SLC22A2: variants seen among roughly 807,000 people sequenced by gnomAD.
The protein encoded by SLC22A2 is solute carrier family 22 member 2.
A neutral mutation model predicts 60.5 loss-of-function variants in SLC22A2; 46 were observed. The observed-to-expected ratio is 0.76, with a 90% CI of 0.60 to 0.97. The LOEUF (loss-of-function observed/expected upper bound fraction) is 0.97. SLC22A2 is among the 50% of genes least tolerant of loss of function. The pLI is 0.00. For missense variants in SLC22A2, 701 were observed against 706.6 expected (o/e 0.99, Z 0.09); for synonymous variants, 303 against 267.0 (o/e 1.13, Z -1.31).
At chr6:160,226,619 T>C (rs1782729096) in intron 9 of SLC22A2, among the ~76,000 whole-genome samples, 1 of 152,200 alleles carries the variant, frequency 6.6e-6, no homozygotes, top group African/African-American at 2.4e-5. Context: ...CACCCTGTGG[T>C]TGTGTTGGAA....
chr6:160,228,833 A>T (rs894590664), intron 9 of SLC22A2, among the ~76,000 whole-genome samples: 1 of 151,540 alleles, frequency 6.6e-6, no homozygotes, highest in East Asian at 1.9e-4. Context: ...AAGCTCCCCC[A>T]CTGAGCACCT....
chr6:160,254,795 G>T (rs1783242068), intron 2 of SLC22A2, among the ~76,000 whole-genome samples: 1 of 152,192 alleles, frequency 6.6e-6, no homozygotes, highest in Non-Finnish European at 1.5e-5. Context: ...ACAAAATAAT[G>T]AGATCATCTA....
intron 9 of SLC22A2, among the ~76,000 whole-genome samples, chr6:160,228,392 G>T (rs1283046729): frequency 1.3e-5 from 2 of 152,160 alleles, no homozygotes; most frequent in African/African-American, 4.8e-5. Context: ...GACAGAGAGG[G>T]TTAAAAGTCC....
At chr6:160,226,250 T>G (rs1272243903) in intron 9 of SLC22A2, among the ~76,000 whole-genome samples, 2 of 152,180 alleles carry the variant, frequency 1.3e-5, no homozygotes, top group Non-Finnish European at 2.9e-5. Context: ...CAATCAGCAC[T>G]GCCGGCTCAC....
rs190488742 is a variant in SLC22A2, at chr6:160,224,146, A to G, written c.1601+559T>C. Among the ~76,000 whole-genome samples, 45 of 152,336 alleles carry G rather than the reference A, an allele frequency of 3.0e-4. No individual in the cohort carries two copies. In the East Asian group the frequency reaches 7.3e-3, roughly 25 times the overall value. On this transcript the variant is annotated intron_variant, in intron 10 of 10. Coordinates refer to ENST00000366953, the MANE Select transcript of SLC22A2 (RefSeq NM_003058.4). ...TCTTCCCCAACATAGTGTGTTACCA[A>G]GTAATTTTAGTTTTGACAATCCAAG...
intron 10 of SLC22A2, among the ~76,000 whole-genome samples, chr6:160,221,026 C>A (rs551323745): frequency 1.9e-4 from 29 of 152,350 alleles, no homozygotes; most frequent in African/African-American, 6.7e-4. Flanking sequence ...GTCCTTCGAG[C>A]TTTGAAACCA....
intron 9 of SLC22A2, among the ~76,000 whole-genome samples, chr6:160,240,555 C>T (rs1176928640): frequency 1.3e-5 from 2 of 152,146 alleles, no homozygotes; most frequent in African/African-American, 4.8e-5. Flanking sequence ...ATAACTGAGG[C>T]ATGATGTATA....
chr6:160,222,473 C>T (rs886607848), intron 10 of SLC22A2, among the ~76,000 whole-genome samples: 1 of 152,212 alleles, frequency 6.6e-6, no homozygotes, highest in Non-Finnish European at 1.5e-5. Context: ...TTCAATTAGG[C>T]ATGCTGTAGA....
chr6:160,238,807 T>G (rs1001411957), intron 9 of SLC22A2, among the ~76,000 whole-genome samples: 1 of 152,216 alleles, frequency 6.6e-6, no homozygotes, highest in African/African-American at 2.4e-5. Context: ...TTATCTTTCC[T>G]GCAGGAAGGT....
intron 9 of SLC22A2, among the ~76,000 whole-genome samples, chr6:160,236,635 T>C (rs1782916182): frequency 1.1e-5 from 1 of 90,318 alleles, no homozygotes; most frequent in African/African-American, 2.9e-5. Context: ...TGTTGTGCTT[T>C]CCTTTAAGAA....
intron 10 of SLC22A2, among the ~76,000 whole-genome samples, chr6:160,218,516 G>C (rs1016151260): frequency 4.2e-5 from 6 of 144,514 alleles, no homozygotes; most frequent in Non-Finnish European, 7.6e-5. Context: ...AATAGTAATA[G>C]CAACAGCAAC....
chr6:160,231,999 C>G (rs961205835), intron 9 of SLC22A2, among the ~76,000 whole-genome samples: 1 of 151,986 alleles, frequency 6.6e-6, no homozygotes. Context: ...GTGGCTACCA[C>G]TGTGTTAATG....
intron 9 of SLC22A2, among the ~76,000 whole-genome samples, chr6:160,235,285 T>C (rs111856326): frequency 7.8e-4 from 118 of 151,832 alleles, no homozygotes; most frequent in African/African-American, 2.6e-3. Context: ...GTAGGAAATA[T>C]AGTTTCAGGG....
At chr6:160,239,296 C>T (rs572390928) in intron 9 of SLC22A2, among the ~76,000 whole-genome samples, 9 of 152,300 alleles carry the variant, frequency 5.9e-5, no homozygotes, top group South Asian at 2.1e-4. Context: ...GGAAAACTCA[C>T]GAATAATCCA....
At position 160,241,580 on chromosome 6, in the gene SLC22A2, A is replaced by C. The variant is rs772958898; in HGVS notation, c.1395T>G (p.Leu465=). The C allele has an allele frequency of 6.2e-7, 1 of 1,608,934 alleles. No homozygotes were observed. The highest frequency in any genetic ancestry group is 8.5e-7 in the Non-Finnish European group (1 of 1,175,430). The change falls in exon 9 of 11, where the codon CTT becomes CTG. Residue 465 remains leucine (L), a synonymous_variant. Coordinates refer to ENST00000366953, the MANE Select transcript of SLC22A2 (RefSeq NM_003058.4). ...AELYPTFIRN[L]GVHICSSMCD... ...ACATTGAGGAACAGATGTGGACGCC[A>C]AGATTCCTAGAATGCAGGAAACTGA...
intron 9 of SLC22A2, among the ~76,000 whole-genome samples, chr6:160,228,075 G>C (rs1782755605): frequency 6.6e-6 from 1 of 152,208 alleles, no homozygotes; most frequent in South Asian, 2.1e-4. Flanking sequence ...TCTGCCTGTG[G>C]AGTAGCCATT....
rs575366461 is a variant in SLC22A2 at position 160,231,051 on chromosome 6, G to A, written c.1502-6247C>T. Among the ~76,000 whole-genome samples the A allele has an allele frequency of 1.8e-3, 266 of 151,870 alleles. 5 individuals are homozygous for A. The highest frequency in any genetic ancestry group is 6.1e-3 in the African/African-American group (250 of 41,220). ...AACTCTTATGGTGGAGGGTAAGTCCGTCCCCTTCTTAATCAATACGGAGGC... is the reference window on the plus strand; with the variant it reads ...AACTCTTATGGTGGAGGGTAAGTCCATCCCCTTCTTAATCAATACGGAGGC... On this transcript the variant is annotated intron_variant, in intron 9 of 10. Coordinates refer to ENST00000366953, the MANE Select transcript of SLC22A2 (RefSeq NM_003058.4).
chr6:160,248,908 A>G (rs919919171), intron 4 of SLC22A2, among the ~76,000 whole-genome samples: 2 of 152,220 alleles, frequency 1.3e-5, no homozygotes, highest in Non-Finnish European at 2.9e-5. Flanking sequence ...AGTCTCTTCA[A>G]AGGGTCTACC....
chr6:160,218,933 G>GCA (rs1782592096), intron 10 of SLC22A2, among the ~76,000 whole-genome samples: 1 of 91,068 alleles, frequency 1.1e-5, no homozygotes, highest in African/African-American at 7.2e-5. Flanking sequence ...AGCAACAGAA[G>GCA]TAGCAGTAGT....
Sources: gnomAD v4.1 joint callset for allele counts (sites outside exome capture counted in the v4.1 genomes callset) on GRCh38, gnomAD v4.1.1 for gene constraint, MANE v1.5 for transcripts, NCBI Gene and HGNC (gene_info 2026-07-23, HGNC 2026-07-21) for gene names.